SGCD: variants seen among roughly 807,000 people sequenced by gnomAD.
SGCD encodes the protein sarcoglycan delta.
In SGCD, 18 loss-of-function variants were observed where a neutral mutation model predicts 36.6. That is an observed-to-expected ratio of 0.49 (90% CI 0.34 to 0.73). SGCD has a LOEUF of 0.73. Ranked by LOEUF, SGCD falls within the 30% of genes least tolerant of loss-of-function variation. The pLI is 0.01. For missense variants in SGCD, 387 were observed against 346.7 expected (o/e 1.12, Z -0.92); for synonymous variants, 133 against 130.6 (o/e 1.02, Z -0.12).
At chr5:155,953,353 G>A (rs1374778373) in intron 1 of SGCD, among the ~76,000 whole-genome samples, 2 of 152,084 alleles carry the variant, frequency 1.3e-5, no homozygotes, top group Admixed American at 1.3e-4. Context: ...TCCTGTTTTG[G>A]TAAGTAAAGT....
At chr5:155,819,232 A>G in the SGCD span, among the ~76,000 whole-genome samples, 2 of 152,200 alleles carry the variant, frequency 1.3e-5, no homozygotes, top group African/African-American at 4.8e-5. Flanking sequence ...AAATCTATAT[A>G]TCTTCTCTAT....
the SGCD span, among the ~76,000 whole-genome samples, chr5:155,755,336 C>T: frequency 2.0e-5 from 3 of 152,134 alleles, no homozygotes; most frequent in African/African-American, 4.8e-5. Context: ...ATTTTCATAA[C>T]CTAGGACTTG....
chr5:156,090,714 TA>T (rs1209265805), intron 1 of SGCD, among the ~76,000 whole-genome samples: 2 of 152,118 alleles, frequency 1.3e-5, no homozygotes, highest in Admixed American at 1.3e-4. Context: ...GACCAGGGTG[TA>T]TTTCATCCCT....
At chr5:156,366,922 T>C (rs895119040) in intron 3 of SGCD, among the ~76,000 whole-genome samples, 1 of 152,184 alleles carries the variant, frequency 6.6e-6, no homozygotes, top group African/African-American at 2.4e-5. Context: ...TCCAAGAATG[T>C]TTTAGTCAGA....
rs147085113 is a variant in SGCD at position 155,978,926 on chromosome 5, G to A, written c.-282+108502G>A. Among the ~76,000 whole-genome samples the A allele has an allele frequency of 2.2e-3, 339 of 152,172 alleles. 3 individuals are homozygous for A. Among genetic ancestry groups the A allele is most frequent in the African/African-American group, 7.9e-3 (328 of 41,522 alleles). On this transcript the variant is annotated intron_variant, in intron 1 of 9. Transcript: ENST00000517913. ...AAGAAAATCACTACTTAAAGATCTG[G>A]TTTTAAAAAACTGTCCTCTCAGATG...
chr5:156,435,333 G>C (rs1223921737), intron 3 of SGCD, among the ~76,000 whole-genome samples: 1 of 152,162 alleles, frequency 6.6e-6, no homozygotes, highest in African/African-American at 2.4e-5. Flanking sequence ...TTAAACATTG[G>C]AAATGGGATT....
the SGCD span, among the ~76,000 whole-genome samples, chr5:155,781,700 G>C: frequency 6.6e-6 from 1 of 151,958 alleles, no homozygotes; most frequent in Non-Finnish European, 1.5e-5. Context: ...TAAACTCCCA[G>C]ACTCAAGTGA....
intron 6 of SGCD, among the ~76,000 whole-genome samples, chr5:156,606,186 A>G (rs1463194429): frequency 3.3e-5 from 5 of 152,224 alleles, no homozygotes; most frequent in South Asian, 4.1e-4. Context: ...TAGGTCTAAC[A>G]TTTAAGTCTT....
chr5:156,210,272 T>C (rs1359819193), intron 3 of SGCD, among the ~76,000 whole-genome samples: 6 of 152,148 alleles, frequency 3.9e-5, no homozygotes, highest in African/African-American at 1.4e-4. Flanking sequence ...AAACCAGATG[T>C]CCTGCCCAGA....
chr5:156,657,014 A>C (rs557532969), intron 7 of SGCD, among the ~76,000 whole-genome samples: 66 of 152,310 alleles, frequency 4.3e-4, no homozygotes, highest in Middle Eastern at 6.8e-3. Context: ...CAAGGCTTGC[A>C]CAAGTTGACA....
chr5:156,015,259 A>T lies in SGCD; in HGVS notation c.-281-102619A>T, dbSNP rs1365039487. 4.6e-5 allele frequency among the ~76,000 whole-genome samples: 7 copies of T among 151,970 alleles called. No homozygotes were observed. The East Asian group carries it at 1.3e-3, about 29-fold the overall frequency. On this transcript the variant is annotated intron_variant, in intron 1 of 9. Coordinates refer to the SGCD transcript ENST00000517913. Reference sequence around the variant, plus strand: ...ATTTATATTCAGTATGGATCCATGGATTCTTTTTTATTCAATAGGTTAAAA... The same window carrying T: ...ATTTATATTCAGTATGGATCCATGGTTTCTTTTTTATTCAATAGGTTAAAA...
intron 7 of SGCD, among the ~76,000 whole-genome samples, chr5:156,698,606 T>G (rs2113723625): frequency 6.6e-6 from 1 of 152,294 alleles, no homozygotes; most frequent in East Asian, 1.9e-4. Flanking sequence ...TATGCCTTAC[T>G]GCAGGAGACA....
chr5:156,734,489 C>T (rs1282978592), intron 7 of SGCD, among the ~76,000 whole-genome samples: 1 of 152,082 alleles, frequency 6.6e-6, no homozygotes, highest in African/African-American at 2.4e-5. Flanking sequence ...AAATTGGCTC[C>T]ATTCTCCTCA....
rs963846723 is a variant in SGCD, at chr5:156,525,252, G to A, written c.294+16550G>A. On this transcript the variant is annotated intron_variant, in intron 4 of 8. Transcript: ENST00000337851. ...AACATTTGTTATCTTTCTTCTTTTTGATAACAGCCATTCTAAAAAGGGTGA... is the reference window on the plus strand; with the variant it reads ...AACATTTGTTATCTTTCTTCTTTTTAATAACAGCCATTCTAAAAAGGGTGA... 2.6e-5 allele frequency among the ~76,000 whole-genome samples: 4 copies of A among 151,964 alleles called. No homozygotes were observed. In the East Asian group the frequency reaches 5.8e-4, roughly 22 times the overall value.
chr5:156,406,803 TATATATATATATATATACACAC>T (rs1374726417), intron 3 of SGCD, among the ~76,000 whole-genome samples: 12 of 74,318 alleles, frequency 1.6e-4, no homozygotes, highest in Non-Finnish European at 2.4e-4. Context: ...TATATATATA[TATATATATATATATATACACAC>T]ACACACACAC....
intron 1 of SGCD, among the ~76,000 whole-genome samples, chr5:155,895,525 A>G (rs2113326189): frequency 6.6e-6 from 1 of 152,314 alleles, no homozygotes; most frequent in Non-Finnish European, 1.5e-5. Flanking sequence ...AATAGTGCAG[A>G]CATTGCAATC....
chr5:156,622,616 ACAAC>A (rs1171277771), intron 6 of SGCD, among the ~76,000 whole-genome samples: 1 of 152,104 alleles, frequency 6.6e-6, no homozygotes, highest in South Asian at 2.1e-4. Context: ...TCAGAAATGA[ACAAC>A]CAAAGAAATG....
At chr5:156,000,534 A>G (rs891935083) in intron 1 of SGCD, among the ~76,000 whole-genome samples, 1 of 152,156 alleles carries the variant, frequency 6.6e-6, no homozygotes, top group Non-Finnish European at 1.5e-5. Flanking sequence ...ATAAACCCAT[A>G]TATGAAACTA....
intron 3 of SGCD, among the ~76,000 whole-genome samples, chr5:156,486,718 C>A (rs1383077562): frequency 6.6e-6 from 1 of 152,162 alleles, no homozygotes; most frequent in Non-Finnish European, 1.5e-5. Context: ...CTTCCAGGGG[C>A]ATGAGAATAG....
Sources: allele counts gnomAD v4.1 joint callset (sites outside exome capture counted in the v4.1 genomes callset), GRCh38; gene constraint gnomAD v4.1.1; transcripts MANE v1.5; gene names NCBI Gene and HGNC (gene_info 2026-07-23, HGNC 2026-07-21).